The following DNAH1 variants were observed in gnomAD, a reference collection of about 807,000 sequenced individuals.
DNAH1 encodes dynein axonemal heavy chain 1.
A neutral mutation model predicts 484.3 loss-of-function variants in DNAH1; 327 were observed. The observed-to-expected ratio is 0.68, with a 90% CI of 0.62 to 0.74. DNAH1 has a LOEUF of 0.74. Ranked by LOEUF, DNAH1 falls within the 30% of genes least tolerant of loss-of-function variation. The pLI is 0.00. For synonymous variants in DNAH1, 2,192 were observed against 2,191.9 expected (o/e 1.00, Z 0.00); for missense variants, 5,052 against 5,546.8 (o/e 0.91, Z 2.83).
rs971738116 is a variant in DNAH1, at chr3:52,355,823, G to A, written c.3693+768G>A. Among the ~76,000 whole-genome samples the A allele has an allele frequency of 6.6e-5, 10 of 152,214 alleles. No individual in the cohort carries two copies. Among genetic ancestry groups the A allele is most frequent in the African/African-American group, 1.4e-4 (6 of 41,446 alleles). ...AGGCCCAGCAACAAGCAGCCTTGCC[G>A]ACTCTCCCTCACCATCCTTCAAGGG... On this transcript the variant is annotated intron_variant, in intron 21 of 77. Coordinates refer to ENST00000420323, the MANE Select transcript of DNAH1 (RefSeq NM_015512.5). The surrounding 1 kb of genome is among the most constrained non-coding windows in gnomAD (Gnocchi z 4.5).
intron 60 of DNAH1, among the ~76,000 whole-genome samples, chr3:52,390,630 A>G (rs1704329556): frequency 1.3e-5 from 2 of 152,214 alleles, no homozygotes; most frequent in African/African-American, 4.8e-5. Context: ...GAGGACAAAA[A>G]GGCACAGCGA....
At position 52,374,906 on chromosome 3, in the gene DNAH1, A is replaced by G. The variant is rs553778343; in HGVS notation, c.6986-334A>G. 1.1e-4 allele frequency: 104 copies of G among 934,414 alleles called. No homozygotes were observed. In the African/African-American group the frequency reaches 1.3e-3, roughly 12 times the overall value. 57.9% of individuals were successfully genotyped at this position (934,414 alleles called of 1,614,324 possible). The stretch of plus-strand genomic sequence containing the variant: ...CCCAGGTACTAAAAACGAGAGTGAC[A>G]TGAAAACGTCCAGGGTTACTTGAAA... On this transcript the variant is annotated intron_variant, in intron 44 of 77. Transcript: ENST00000420323.
chr3:52,373,987 AT>A (rs1703471522), intron 44 of DNAH1: 2 of 1,136,100 alleles, frequency 1.8e-6, no homozygotes, highest in African/African-American at 1.5e-5. Flanking sequence ...TTTTCTTAAG[AT>A]TTTTAGAGTC....
In DNAH1 at chr3:52,399,761, A is replaced by G. The variant is rs1170653701; in HGVS notation, c.12658A>G (p.Lys4220Glu). ...DQDFYLCPIY[K>E]TLTRAGTLST... ...GGACTTTTACCTGTGCCCCATCTAC[A>G]AGACACTGACTCGTGCTGGTATGAG... Residue 4220 changes from lysine (K) to glutamate (E), a missense_variant, in exon 77 of 78, where the codon AAG (lysine) becomes GAG (glutamate). Around this residue, in one of 4 missense-constraint regions of DNAH1, gnomAD observed 853 missense variants for 899.0 expected, o/e 0.95. Coordinates refer to ENST00000420323, the MANE Select transcript of DNAH1 (RefSeq NM_015512.5). 3 of 1,613,886 alleles carry G rather than the reference A, an allele frequency of 1.9e-6. No individual in the cohort carries two copies. The highest frequency in any genetic ancestry group is 1.6e-4 in the Middle Eastern group (1 of 6,062).
chr3:52,392,834 A>G lies in DNAH1; in HGVS notation c.10283A>G (p.Lys3428Arg). ...CCCCACCCACTACACCCACAGGCCA[A>G]AGTCAGGATTGCAGAGCAGACGGAG... Reference protein sequence around the residue: ...SKMKAAEIQAKVRIAEQTEKD... With the variant: ...SKMKAAEIQARVRIAEQTEKD... The change falls in exon 65 of 78, where the codon AAA becomes AGA. Residue 3428 changes from lysine (K) to arginine (R), a missense_variant. Coordinates refer to ENST00000420323, the MANE Select transcript of DNAH1 (RefSeq NM_015512.5). The G allele has an allele frequency of 5.7e-6, 7 of 1,229,678 alleles. No homozygotes were observed. Among genetic ancestry groups the G allele is most frequent in the Non-Finnish European group, 7.9e-6 (7 of 890,058 alleles). The allele number at this position is 1,229,678 out of a possible 1,614,324, so 76.2% of individuals were successfully genotyped here.
chr3:52,386,862 G>C lies in DNAH1; in HGVS notation c.9003+9G>C, dbSNP rs1484966451. On this transcript the variant is annotated intron_variant, in intron 56 of 77. Transcript: ENST00000420323. ...TCTTCAAGTTTGACAAGGTAAGCATGCCAGGCACCCTGGCCAGCCAGCGAG... is the reference window on the plus strand; with the variant it reads ...TCTTCAAGTTTGACAAGGTAAGCATCCCAGGCACCCTGGCCAGCCAGCGAG... 4 of 1,547,222 alleles carry C rather than the reference G, an allele frequency of 2.6e-6. No homozygotes were observed. The highest frequency in any genetic ancestry group is 1.4e-5 in the African/African-American group (1 of 72,818).
Position 52,383,413 on chromosome 3 carries a change from A to G in DNAH1, c.7969A>G (p.Ile2657Val), listed in dbSNP as rs377446535. ...CAAGAACGAATCCTTCCTGGAAGATATCAACAACGTCCTAAACTCTGGTGA... is the reference window on the plus strand; with the variant it reads ...CAAGAACGAATCCTTCCTGGAAGATGTCAACAACGTCCTAAACTCTGGTGA... ...QIKNESFLED[I>V]NNVLNSGDIP... The change falls in exon 51 of 78, where the codon ATC becomes GTC. Residue 2657 changes from isoleucine to valine, a missense_variant. Ile to Val is a conservative substitution (Grantham distance 29, BLOSUM62 3). This residue lies in a region of DNAH1 where 2,929 missense variants were observed against 3,409.4 expected (regional missense o/e 0.86). Transcript: ENST00000420323. 1 of 1,613,966 alleles carries G rather than the reference A, an allele frequency of 6.2e-7. No homozygotes were observed. The highest frequency in any genetic ancestry group is 8.5e-7 in the Non-Finnish European group (1 of 1,179,858).
Position 52,361,769 on chromosome 3 carries a change from G to A in DNAH1, c.4980+3G>A, listed in dbSNP as rs780342312. The stretch of plus-strand genomic sequence containing the variant: ...TCCAGAAGGCGCAGCAGCAGCGGGT[G>A]AGCCCGGGGGACCCACCTTACTCCC... On this transcript the variant is annotated splice_donor_region_variant and intron_variant, in intron 30 of 77. Coordinates refer to ENST00000420323, the MANE Select transcript of DNAH1 (RefSeq NM_015512.5). The surrounding 1 kb of genome is among the most constrained non-coding windows in gnomAD (Gnocchi z 5.6). The A allele has an allele frequency of 1.3e-6, 2 of 1,596,726 alleles. No individual in the cohort carries two copies. The highest frequency in any genetic ancestry group is 1.6e-4 in the Middle Eastern group (1 of 6,068).
At chr3:52,397,133 G>C (rs1704672701) in intron 73 of DNAH1, 89 bp downstream of exon 73, 5 of 1,216,896 alleles carry the variant, frequency 4.1e-6, no homozygotes, top group Non-Finnish European at 5.7e-6. Flanking sequence ...GGTGGGAGGA[G>C]ATGCAGCCCC....
chr3:52,351,752 GCAGC>G (rs1349425733), intron 16 of DNAH1, among the ~76,000 whole-genome samples: 1 of 152,204 alleles, frequency 6.6e-6, no homozygotes, highest in African/African-American at 2.4e-5. Context: ...AGGGGGCAGG[GCAGC>G]CTCCCTGATG....
rs1704056526 is a variant in DNAH1 at position 52,385,368 on chromosome 3, T to A, written c.8546T>A (p.Met2849Lys). Residue 2849 changes from methionine to lysine, a missense_variant, in exon 54 of 78, where the codon ATG (methionine) becomes AAG (lysine). Coordinates refer to ENST00000420323, the MANE Select transcript of DNAH1 (RefSeq NM_015512.5). ...CGCACTTCTGAGGATGTAGCCAAGA[T>A]GCAGGAGGACCTGGAGAGTATGCAC... ...LLRTSEDVAK[M>K]QEDLESMHPL... 1 of 1,552,776 alleles carries A rather than the reference T, an allele frequency of 6.4e-7. No homozygotes were observed. Among genetic ancestry groups the A allele is most frequent in the East Asian group, 2.4e-5 (1 of 40,960 alleles).
intron 3 of DNAH1, among the ~76,000 whole-genome samples, chr3:52,325,685 T>C (rs949935535): frequency 2.6e-5 from 4 of 152,206 alleles, no homozygotes; most frequent in African/African-American, 7.2e-5. Context: ...CCACCCACAG[T>C]ATCCAGGATG....
At position 52,385,488 on chromosome 3, in the gene DNAH1, A is replaced by G. The variant is rs886340754; in HGVS notation, c.8625+41A>G. 9 of 1,521,484 alleles carry G rather than the reference A, an allele frequency of 5.9e-6. No homozygotes were observed. The African/African-American group carries it at 1.2e-4, about 21-fold the overall frequency. 94.2% of individuals were successfully genotyped at this position (1,521,484 alleles called of 1,614,324 possible). A position where few individuals can be genotyped will look rare whatever the true frequency, so the allele number is the denominator to read the frequency against. The stretch of plus-strand genomic sequence containing the variant: ...AGCCCCTCCCCAATGCCTGACTCTG[A>G]GGAAGCTCGGCACCCCCACACAGGC... On this transcript the variant is annotated intron_variant, in intron 54 of 77. Coordinates refer to ENST00000420323, the MANE Select transcript of DNAH1 (RefSeq NM_015512.5).
rs111311240 is a variant in DNAH1, at chr3:52,354,372, G to A, written c.3481-471G>A. Among the ~76,000 whole-genome samples the A allele has an allele frequency of 1.6e-4, 25 of 152,236 alleles. 1 individual carries two copies. The highest frequency in any genetic ancestry group is 5.8e-4 in the African/African-American group (24 of 41,542). On this transcript the variant is annotated intron_variant, in intron 20 of 77. Coordinates refer to ENST00000420323, the MANE Select transcript of DNAH1 (RefSeq NM_015512.5). ...AACTGGGCTGAACACAGTGGCTCAC[G>A]CCTGTAATCCCAGCACTTGGGAGGC...
chr3:52,310,978 A>G, the DNAH1 span, among the ~76,000 whole-genome samples: 1 of 152,174 alleles, frequency 6.6e-6, no homozygotes, highest in African/African-American at 2.4e-5. Flanking sequence ...GGTGTTGTGC[A>G]GGGCAGGCCT....
At chr3:52,378,148 C>G (rs1037151835) in intron 46 of DNAH1, among the ~76,000 whole-genome samples, 1 of 151,998 alleles carries the variant, frequency 6.6e-6, no homozygotes, top group African/African-American at 2.4e-5. Flanking sequence ...TAGGCAGCCC[C>G]GAAGTGGGTG....
rs1703467779 is a variant in DNAH1 at position 52,373,921 on chromosome 3, A to G, written c.6985+868A>G. 8.9e-6 allele frequency: 12 copies of G among 1,347,534 alleles called. 1 individual carries two copies. In the South Asian group the frequency reaches 1.4e-4, roughly 16 times the overall value. 83.5% of individuals were successfully genotyped at this position (1,347,534 alleles called of 1,614,324 possible). On this transcript the variant is annotated intron_variant, in intron 44 of 77. Transcript: ENST00000420323. ...CCTACGGGAGCAGAATTTGACTCAG[A>G]GGAAGATGAACCAACGTTAGAAGCA...
rs1314339218 is a variant in DNAH1 at position 52,355,169 on chromosome 3, C to T, written c.3693+114C>T. ...TCAAAGCATCGCAGTGCCTTGCCCT[C>T]ATTCACACAGCCCCTGGCTCTCTGG... On this transcript the variant is annotated intron_variant, in intron 21 of 77. Coordinates refer to ENST00000420323, the MANE Select transcript of DNAH1 (RefSeq NM_015512.5). The surrounding 1 kb of genome is among the most constrained non-coding windows in gnomAD (Gnocchi z 4.5). The T allele has an allele frequency of 9.6e-6, 10 of 1,044,140 alleles. No individual in the cohort carries two copies. Among genetic ancestry groups the T allele is most frequent in the Non-Finnish European group, 1.4e-5 (10 of 704,118 alleles). The allele number at this position is 1,044,140 out of a possible 1,614,324, so 64.7% of individuals were successfully genotyped here.
In DNAH1 at chr3:52,349,037, A is replaced by C; in HGVS notation, c.2256A>C (p.Arg752=). The change falls in exon 13 of 78, where the codon CGA becomes CGC. Residue 752 remains arginine, a synonymous_variant. Coordinates refer to ENST00000420323, the MANE Select transcript of DNAH1 (RefSeq NM_015512.5). ...TGCAGGCCTACGCCAAGGAGTACCG[A>C]AAGTACCTGGAGCTGAACAACAATG... The part of the protein sequence containing the change: ...IPLQAYAKEY[R]KYLELNNNDI... The C allele has an allele frequency of 6.2e-7, 1 of 1,612,980 alleles. No homozygotes were observed. The highest frequency in any genetic ancestry group is 8.5e-7 in the Non-Finnish European group (1 of 1,179,896).
Sources: allele counts gnomAD v4.1 joint callset (sites outside exome capture counted in the v4.1 genomes callset), GRCh38; gene constraint gnomAD v4.1.1; regional missense constraint gnomAD v4.1.1; non-coding constraint Gnocchi (gnomAD v3.1); transcripts MANE v1.5; gene names NCBI Gene and HGNC (gene_info 2026-07-23, HGNC 2026-07-21).